The following PPP2R2D variants were observed in gnomAD, a reference collection of about 807,000 sequenced individuals.
The protein encoded by PPP2R2D is serine/threonine-protein phosphatase 2A 55 kDa regulatory subunit B delta isoform.
PPP2R2D carries 9 observed loss-of-function variants against 31.1 expected under a neutral mutation model. The observed-to-expected ratio is 0.29, with a 90% confidence interval of 0.17 to 0.51. PPP2R2D has a LOEUF of 0.51. Among genes scored for constraint, PPP2R2D ranks in the 20% least tolerant of loss-of-function variants. PPP2R2D has a pLI of 0.98. For synonymous variants in PPP2R2D, 179 were observed against 172.6 expected (o/e 1.04, Z -0.29); for missense variants, 391 against 465.6 (o/e 0.84, Z 1.48).
intron 2 of PPP2R2D, among the ~76,000 whole-genome samples, chr10:131,919,982 G>T (rs1343740090): frequency 2.1e-4 from 29 of 135,890 alleles, no homozygotes; most frequent in African/African-American, 6.1e-4. Flanking sequence ...AGGGTCCTCA[G>T]GCGGGTGGAA....
chr10:131,918,813 A>G (rs1174938292), intron 2 of PPP2R2D, among the ~76,000 whole-genome samples: 2 of 137,952 alleles, frequency 1.4e-5, no homozygotes, highest in Non-Finnish European at 3.0e-5. Context: ...GTGGAATGAC[A>G]CAGTGTGGGG....
the PPP2R2D span, chr10:131,968,799 A>G: frequency 2.2e-5 from 9 of 408,176 alleles, no homozygotes; most frequent in Admixed American, 1.5e-4. Context: ...ATTCTTACAT[A>G]GAAGGATCAC....
chr10:131,941,511 G>A (rs1342694124), intron 5 of PPP2R2D, among the ~76,000 whole-genome samples: 1 of 152,140 alleles, frequency 6.6e-6, no homozygotes, highest in Non-Finnish European at 1.5e-5. Flanking sequence ...TTACTAGATT[G>A]GAAAACCGTT....
chr10:131,950,226 T>C (rs1554898627), intron 8 of PPP2R2D, among the ~76,000 whole-genome samples: 1 of 151,892 alleles, frequency 6.6e-6, no homozygotes. Context: ...GAGGCCAGGG[T>C]GAGGCACAGC....
intron 2 of PPP2R2D, among the ~76,000 whole-genome samples, chr10:131,909,425 A>G (rs2119730639): frequency 6.6e-6 from 1 of 152,292 alleles, no homozygotes; most frequent in East Asian, 1.9e-4. Context: ...CTGCAATAAT[A>G]AAGATTGGGA....
In PPP2R2D at chr10:131,956,490, A is replaced by C. The variant is rs2036802766; in HGVS notation, c.*527A>C. 1.0e-6 allele frequency: 1 copy of C among 984,092 alleles called. No homozygotes were observed. The allele number at this position is 984,092 out of a possible 1,614,324, so 61.0% of individuals were successfully genotyped here. On this transcript the variant is annotated 3_prime_UTR_variant, in exon 9 of 9. Transcript: ENST00000455566. Reference sequence around the variant, plus strand: ...CCACTCACCCACAGCATCCGCCGCCACCCCTTCGGGTGTGAGCGCTCAATA... The same window carrying C: ...CCACTCACCCACAGCATCCGCCGCCCCCCCTTCGGGTGTGAGCGCTCAATA...
chr10:131,970,865 TGGG>T, the PPP2R2D span: 13 of 1,614,088 alleles, frequency 8.1e-6, no homozygotes, highest in Non-Finnish European at 1.1e-5. This position sits in a 1 kb window ranked among gnomAD's most constrained non-coding sequence, Gnocchi z 4.1. Context: ...CACACTCACT[TGGG>T]GGGAATATTT....
intron 8 of PPP2R2D, among the ~76,000 whole-genome samples, chr10:131,948,876 GA>G (rs1310197056): frequency 3.9e-5 from 6 of 152,230 alleles, no homozygotes; most frequent in Non-Finnish European, 7.3e-5. Context: ...TCCACTGGCA[GA>G]TAGGGTCCAA....
At chr10:131,907,255 T>C (rs2035607057) in intron 2 of PPP2R2D, among the ~76,000 whole-genome samples, 1 of 152,208 alleles carries the variant, frequency 6.6e-6, no homozygotes, top group African/African-American at 2.4e-5. Context: ...ATTTCCGGTC[T>C]GATTTCTATA....
Position 131,955,856 on chromosome 10 carries a change from C to A in PPP2R2D, c.1255C>A (p.Leu419Met). 1 of 1,610,640 alleles carries A rather than the reference C, an allele frequency of 6.2e-7. No individual in the cohort carries two copies. Among genetic ancestry groups the A allele is most frequent in the Non-Finnish European group, 8.5e-7 (1 of 1,178,270 alleles). The change falls in exon 9 of 9, where the codon CTG becomes ATG. Residue 419 changes from leucine to methionine, a missense_variant. Leu to Met is a conservative substitution (Grantham distance 15, BLOSUM62 2). Transcript: ENST00000455566. Reference protein sequence around the residue: ...RRKDEISVDSLDFNKKILHTA... With the variant: ...RRKDEISVDSMDFNKKILHTA... ...GAAAGACGAGATCAGTGTGGACAGT[C>A]TGGACTTCAACAAGAAGATCCTGCA...
rs150488525 is a variant in PPP2R2D at position 131,926,886 on chromosome 10, G to A, written c.101-7572G>A. 8.3e-3 allele frequency among the ~76,000 whole-genome samples: 1,268 copies of A among 152,316 alleles called. 11 individuals are homozygous for A. Among genetic ancestry groups the A allele is most frequent in the Middle Eastern group, 0.044 (13 of 294 alleles). On this transcript the variant is annotated intron_variant, in intron 2 of 8. Transcript: ENST00000455566. ...GATTGGGTGGGTAATGGTAGGAAACGAACTCGTTGCCAGAGTAGGGGTGCG... is the reference window on the plus strand; with the variant it reads ...GATTGGGTGGGTAATGGTAGGAAACAAACTCGTTGCCAGAGTAGGGGTGCG...
intron 2 of PPP2R2D, among the ~76,000 whole-genome samples, chr10:131,910,038 T>C (rs36183733): frequency 0.038 from 5,811 of 152,254 alleles, 150 homozygotes; most frequent in Non-Finnish European, 0.059. Flanking sequence ...TTTATTGAAA[T>C]GTGTAAGGAA....
At chr10:131,912,804 A>G (rs1468140355) in intron 2 of PPP2R2D, among the ~76,000 whole-genome samples, 3 of 152,170 alleles carry the variant, frequency 2.0e-5, no homozygotes, top group Non-Finnish European at 2.9e-5. Context: ...GCTGCATAGT[A>G]TTCCCTTAGT....
chr10:131,932,043 C>A (rs4880326), intron 2 of PPP2R2D, among the ~76,000 whole-genome samples: 41,474 of 150,396 alleles, frequency 0.28, 5,807 homozygotes, highest in East Asian at 0.44. Context: ...TTTCTTCTGA[C>A]ACCTGGGCGG....
chr10:131,954,613 C>A (rs1271486723), intron 8 of PPP2R2D, among the ~76,000 whole-genome samples: 11 of 150,934 alleles, frequency 7.3e-5, no homozygotes, highest in African/African-American at 1.9e-4. Flanking sequence ...AATGCAGTTT[C>A]TCTTCTCTGA....
chr10:131,957,554 T>G lies in PPP2R2D; in HGVS notation c.*1591T>G, dbSNP rs2036825994. On this transcript the variant is annotated 3_prime_UTR_variant, in exon 9 of 9. Coordinates refer to ENST00000455566, the MANE Select transcript of PPP2R2D (RefSeq NM_018461.5). ...TGTGTGCTGATCCCCCGTGCCCCTG[T>G]GGAGATGAAGGTGCGTGCTGATCCC... 1.7e-5 allele frequency: 3 copies of G among 180,548 alleles called. No individual in the cohort carries two copies. The highest frequency in any genetic ancestry group is 5.0e-5 in the African/African-American group (2 of 39,996). The allele number at this position is 180,548 out of a possible 1,614,324, so 11.2% of individuals were successfully genotyped here. A position where few individuals can be genotyped will look rare whatever the true frequency, so the allele number is the denominator to read the frequency against.
rs782484643 is a variant in PPP2R2D at position 131,947,567 on chromosome 10, C to T, written c.858C>T (p.Phe286=). Residue 286 remains phenylalanine, a synonymous_variant, in exon 8 of 9, where the codon TTC becomes TTT. Transcript: ENST00000455566. This position sits in a 1 kb window ranked among gnomAD's most constrained non-coding sequence, Gnocchi z 4.3. Reference sequence around the variant, plus strand: ...CTGAAGATCCCAGCAGTAGGTCCTTCTTCTCAGAAATAATTTCATCCATAT... The same window carrying T: ...CTGAAGATCCCAGCAGTAGGTCCTTTTTCTCAGAAATAATTTCATCCATAT... The part of the protein sequence containing the change: ...EEPEDPSSRS[F]FSEIISSISD... The T allele has an allele frequency of 3.7e-6, 6 of 1,614,052 alleles. No homozygotes were observed. Among genetic ancestry groups the T allele is most frequent in the Non-Finnish European group, 5.1e-6 (6 of 1,180,034 alleles).
At chr10:131,919,252 A>G (rs1290789215) in intron 2 of PPP2R2D, among the ~76,000 whole-genome samples, 1 of 97,030 alleles carries the variant, frequency 1.0e-5, no homozygotes, top group Non-Finnish European at 2.0e-5. Flanking sequence ...ATGACAGTGT[A>G]GGGACCTCAC....
rs1207310259 is a variant in PPP2R2D at position 131,945,072 on chromosome 10, G to A, written c.656-223G>A. Among the ~76,000 whole-genome samples the A allele has an allele frequency of 1.3e-5, 2 of 152,162 alleles. No homozygotes were observed. The highest frequency in any genetic ancestry group is 2.9e-5 in the Non-Finnish European group (2 of 68,026). On this transcript the variant is annotated intron_variant, in intron 6 of 8. Transcript: ENST00000455566. This position sits in a 1 kb window ranked among gnomAD's most constrained non-coding sequence, Gnocchi z 4.8. ...AGATGAAAGCGGTGTTCGCTTGTCTGTGTCTCCCCCTGGGCCGGGGCGTTG... is the reference window on the plus strand; with the variant it reads ...AGATGAAAGCGGTGTTCGCTTGTCTATGTCTCCCCCTGGGCCGGGGCGTTG...
Sources: gnomAD v4.1 joint callset for allele counts (sites outside exome capture counted in the v4.1 genomes callset) on GRCh38, gnomAD v4.1.1 for gene constraint, Gnocchi (gnomAD v3.1) non-coding constraint, MANE v1.5 for transcripts, NCBI Gene and HGNC (gene_info 2026-07-23, HGNC 2026-07-21) for gene names.